The following ARHGAP15 variants were observed in gnomAD, a reference collection of about 807,000 sequenced individuals.
ARHGAP15 encodes the protein Rho GTPase activating protein 15.
In ARHGAP15, 51 loss-of-function variants were observed where a neutral mutation model predicts 63.7. The observed-to-expected ratio is 0.80, with a 90% CI of 0.64 to 1.01. The LOEUF is 1.01. Among genes scored for constraint, ARHGAP15 ranks in the 50% least tolerant of loss-of-function variants. The pLI, the probability that ARHGAP15 is intolerant of heterozygous loss-of-function variation, is 0.00. For missense variants in ARHGAP15, 560 were observed against 564.6 expected, an observed-to-expected ratio of 0.99 and a Z score of 0.08; for synonymous variants, 191 against 193.8, an observed-to-expected ratio of 0.99 and a Z score of 0.12.
At chr2:143,200,102 C>CT (rs1692050442) in intron 2 of ARHGAP15, among the ~76,000 whole-genome samples, 2 of 152,236 alleles carry the variant, frequency 1.3e-5, no homozygotes, top group South Asian at 4.1e-4. Context: ...TTGAATCCTG[C>CT]TGGCCAGTCT....
chr2:143,353,094 T>C (rs1307185869), intron 6 of ARHGAP15, among the ~76,000 whole-genome samples: 1 of 152,096 alleles, frequency 6.6e-6, no homozygotes, highest in Admixed American at 6.6e-5. Context: ...AATAGATGTG[T>C]AATACATTTT....
At chr2:143,240,315 T>C (rs961139426) in intron 5 of ARHGAP15, among the ~76,000 whole-genome samples, 7 of 152,316 alleles carry the variant, frequency 4.6e-5, no homozygotes, top group African/African-American at 1.7e-4. Flanking sequence ...CACTGTAGTA[T>C]GACTTTAACA....
chr2:143,545,400 C>G (rs1461320238), intron 10 of ARHGAP15, among the ~76,000 whole-genome samples: 1 of 152,180 alleles, frequency 6.6e-6, no homozygotes, highest in South Asian at 2.1e-4. Flanking sequence ...TTCAATTAAT[C>G]ACTTTTACCT....
At chr2:143,763,320 C>T (rs538517963) in intron 13 of ARHGAP15, among the ~76,000 whole-genome samples, 3 of 152,070 alleles carry the variant, frequency 2.0e-5, no homozygotes, top group South Asian at 4.1e-4. Context: ...GTAGGGAATA[C>T]GTAAGCTTCC....
intron 6 of ARHGAP15, among the ~76,000 whole-genome samples, chr2:143,351,858 G>A (rs1037737533): frequency 1.6e-4 from 25 of 152,106 alleles, no homozygotes; most frequent in African/African-American, 6.0e-4. Context: ...TGATAAAAGA[G>A]AATGGTATTT....
At chr2:143,519,462 T>G (rs1032241859) in intron 10 of ARHGAP15, 98 bp downstream of exon 10, 1 of 932,888 alleles carries the variant, frequency 1.1e-6, no homozygotes, top group African/African-American at 1.7e-5. Flanking sequence ...TGAGAAGCCA[T>G]GCAATTAAAA....
intron 3 of ARHGAP15, among the ~76,000 whole-genome samples, chr2:143,207,394 A>G (rs1692372944): frequency 1.3e-5 from 2 of 151,928 alleles, no homozygotes; most frequent in Non-Finnish European, 2.9e-5. Context: ...TAAGTTTTTT[A>G]CCTTGCAATT....
At chr2:143,529,297 T>A (rs2105010667) in intron 10 of ARHGAP15, among the ~76,000 whole-genome samples, 1 of 152,228 alleles carries the variant, frequency 6.6e-6, no homozygotes, top group South Asian at 2.1e-4. Flanking sequence ...CCTCATGAGC[T>A]CTACTTTCTT....
At chr2:143,378,497 T>C (rs1462906578) in intron 6 of ARHGAP15, among the ~76,000 whole-genome samples, 1 of 152,070 alleles carries the variant, frequency 6.6e-6, no homozygotes, top group Non-Finnish European at 1.5e-5. Flanking sequence ...ATTCTCTCTC[T>C]GATAACAGCG....
chr2:143,485,963 C>A (rs1247290823), intron 8 of ARHGAP15, among the ~76,000 whole-genome samples: 3 of 152,046 alleles, frequency 2.0e-5, no homozygotes, highest in African/African-American at 7.2e-5. Flanking sequence ...GGATATTTTT[C>A]TTTTTCTGTC....
intron 1 of ARHGAP15, among the ~76,000 whole-genome samples, chr2:143,133,161 G>A (rs1688979179): frequency 6.6e-6 from 1 of 152,176 alleles, no homozygotes; most frequent in South Asian, 2.1e-4. Flanking sequence ...CAGTTTTGGA[G>A]GAAAGTTTTG....
intron 12 of ARHGAP15, among the ~76,000 whole-genome samples, chr2:143,690,940 A>AGTT (rs1683570699): frequency 6.6e-6 from 1 of 152,190 alleles, no homozygotes; most frequent in Admixed American, 6.5e-5. Context: ...CCGTGATCAG[A>AGTT]GTTTAACTGC....
At chr2:143,555,795 T>C (rs1316265669) in intron 10 of ARHGAP15, among the ~76,000 whole-genome samples, 1 of 152,070 alleles carries the variant, frequency 6.6e-6, no homozygotes, top group East Asian at 1.9e-4. Flanking sequence ...TAGAATAGAA[T>C]TTTTACTCTT....
intron 5 of ARHGAP15, among the ~76,000 whole-genome samples, chr2:143,241,419 A>G (rs1447253900): frequency 6.6e-6 from 1 of 152,246 alleles, no homozygotes; most frequent in Non-Finnish European, 1.5e-5. Context: ...CCTCACACAG[A>G]GCAAACATAA....
intron 6 of ARHGAP15, among the ~76,000 whole-genome samples, chr2:143,298,134 T>TC (rs1272619782): frequency 1.3e-5 from 2 of 152,000 alleles, no homozygotes; most frequent in African/African-American, 4.8e-5. Flanking sequence ...AACAAATAGA[T>TC]AACTAGAGTT....
At chr2:143,536,072 A>G (rs1208545712) in intron 10 of ARHGAP15, among the ~76,000 whole-genome samples, 3 of 152,248 alleles carry the variant, frequency 2.0e-5, no homozygotes, top group Non-Finnish European at 4.4e-5. Flanking sequence ...ATTCACTCTC[A>G]TTACATTTTT....
intron 2 of ARHGAP15, among the ~76,000 whole-genome samples, chr2:143,200,779 G>A (rs34360547): frequency 0.17 from 25,552 of 151,934 alleles, 2,311 homozygotes; most frequent in Middle Eastern, 0.24. Flanking sequence ...AAGTACATAA[G>A]AAAGTGTGAT....
intron 6 of ARHGAP15, among the ~76,000 whole-genome samples, chr2:143,405,942 G>A (rs1440545360): frequency 6.6e-6 from 1 of 151,800 alleles, no homozygotes; most frequent in African/African-American, 2.4e-5. Context: ...TCATATTTTA[G>A]GATTTTAATT....
intron 11 of ARHGAP15, among the ~76,000 whole-genome samples, chr2:143,565,827 A>ACC (rs1205479418): frequency 2.6e-5 from 4 of 152,196 alleles, no homozygotes; most frequent in Non-Finnish European, 4.4e-5. Flanking sequence ...AGGGTTGGAT[A>ACC]AATAGCAATG....
Sources: allele counts gnomAD v4.1 joint callset (sites outside exome capture counted in the v4.1 genomes callset), GRCh38; gene constraint gnomAD v4.1.1; transcripts MANE v1.5; gene names NCBI Gene and HGNC (gene_info 2026-07-23, HGNC 2026-07-21).